The following VWC2 variants were observed in gnomAD, a reference collection of about 807,000 sequenced individuals.
VWC2 encodes von Willebrand factor C domain containing 2.
VWC2 carries 14 observed loss-of-function variants against 29.8 expected under a neutral mutation model. The observed-to-expected ratio is 0.47, with a 90% confidence interval of 0.31 to 0.74. The LOEUF is 0.74. Ranked by LOEUF, VWC2 falls within the 30% of genes least tolerant of loss-of-function variation. VWC2 has a pLI of 0.05. For synonymous variants in VWC2, 213 were observed against 199.0 expected (o/e 1.07, Z -0.59); for missense variants, 457 against 459.8 (o/e 0.99, Z 0.05).
chr7:49,898,199 T>A (rs964959656), intron 3 of VWC2, among the ~76,000 whole-genome samples: 1 of 152,084 alleles, frequency 6.6e-6, no homozygotes, highest in African/African-American at 2.4e-5. Context: ...TGTGTATATA[T>A]GTATGCTTTA....
rs200864656 is a variant in VWC2, at chr7:49,805,233, T to G, written c.826+2393T>G. Among the ~76,000 whole-genome samples, 5 of 152,330 alleles carry G rather than the reference T, an allele frequency of 3.3e-5. No individual in the cohort carries two copies. The East Asian group carries it at 9.6e-4, about 29-fold the overall frequency. ...GTCCTGATGGTAAACTTCTAAATGTTGACCCTTTAACTCTATATTTTGAGA... is the reference window on the plus strand; with the variant it reads ...GTCCTGATGGTAAACTTCTAAATGTGGACCCTTTAACTCTATATTTTGAGA... On this transcript the variant is annotated intron_variant, in intron 3 of 3. Transcript: ENST00000340652.
chr7:49,862,019 T>A (rs962239272), intron 3 of VWC2, among the ~76,000 whole-genome samples: 8 of 152,194 alleles, frequency 5.3e-5, no homozygotes, highest in Non-Finnish European at 1.2e-4. Flanking sequence ...TAAAAAATGG[T>A]TGTTGGAATT....
At chr7:49,824,776 A>T (rs1183045180) in intron 3 of VWC2, among the ~76,000 whole-genome samples, 1 of 152,068 alleles carries the variant, frequency 6.6e-6, no homozygotes, top group Admixed American at 6.5e-5. Flanking sequence ...ATCTTTTGTT[A>T]TTCTTAATAT....
At chr7:49,848,640 A>G (rs1030988907) in intron 3 of VWC2, among the ~76,000 whole-genome samples, 68 of 152,196 alleles carry the variant, frequency 4.5e-4, no homozygotes, top group Admixed American at 1.4e-3. Context: ...TGTCAAAAAT[A>G]TGTGCATCTA....
At chr7:49,832,066 CA>C (rs1042336795) in intron 3 of VWC2, among the ~76,000 whole-genome samples, 4 of 152,142 alleles carry the variant, frequency 2.6e-5, no homozygotes, top group Admixed American at 2.6e-4. Context: ...GCATTTTGTT[CA>C]GTTGATCAGT....
At chr7:49,780,952 C>T (rs1445426168) in intron 2 of VWC2, among the ~76,000 whole-genome samples, 1 of 152,200 alleles carries the variant, frequency 6.6e-6, no homozygotes, top group East Asian at 1.9e-4. Context: ...AAACCTTCAT[C>T]TAAATAGATC....
intron 2 of VWC2, among the ~76,000 whole-genome samples, chr7:49,795,473 C>G (rs1583632392): frequency 6.6e-6 from 1 of 152,174 alleles, no homozygotes. Context: ...ACAGCCTTCA[C>G]ACACCATCGG....
intron 2 of VWC2, among the ~76,000 whole-genome samples, chr7:49,797,330 A>T (rs1464195228): frequency 6.6e-6 from 1 of 152,154 alleles, no homozygotes; most frequent in Non-Finnish European, 1.5e-5. Context: ...TGGGGTTTTC[A>T]TGCCTCCCAT....
At chr7:49,849,688 T>A (rs1427163426) in intron 3 of VWC2, among the ~76,000 whole-genome samples, 1 of 152,222 alleles carries the variant, frequency 6.6e-6, no homozygotes, top group Non-Finnish European at 1.5e-5. Flanking sequence ...TAGTGCCCTA[T>A]TTATTTCAGG....
At chr7:49,905,534 T>C (rs1793038300) in intron 3 of VWC2, among the ~76,000 whole-genome samples, 1 of 152,274 alleles carries the variant, frequency 6.6e-6, no homozygotes, top group Non-Finnish European at 1.5e-5. Flanking sequence ...CCTTGATTTC[T>C]ATCATTTAAA....
At chr7:49,894,701 T>C (rs1311294567) in intron 3 of VWC2, among the ~76,000 whole-genome samples, 1 of 152,214 alleles carries the variant, frequency 6.6e-6, no homozygotes, top group Non-Finnish European at 1.5e-5. Context: ...GGTGGGGGCC[T>C]AGGGCTGTCA....
intron 3 of VWC2, among the ~76,000 whole-genome samples, chr7:49,871,959 C>CACACACA (rs1791176497): frequency 2.9e-5 from 1 of 34,644 alleles, no homozygotes; most frequent in African/African-American, 1.1e-4. Context: ...ACACACACAC[C>CACACACA]GAGAAAGAGA....
At position 49,919,423 on chromosome 7, in the gene VWC2, A is replaced by G. The variant is rs572318505; in HGVS notation, c.*7238A>G. 4.6e-5 allele frequency: 7 copies of G among 152,270 alleles called. No homozygotes were observed. Among genetic ancestry groups the G allele is most frequent in the Admixed American group, 1.3e-4 (2 of 15,300 alleles). 9.4% of individuals were successfully genotyped at this position (152,270 alleles called of 1,614,324 possible). On this transcript the variant is annotated 3_prime_UTR_variant, in exon 4 of 4. Coordinates refer to ENST00000340652, the MANE Select transcript of VWC2 (RefSeq NM_198570.5). ...TTATACTTTTAAGCAAAATTTTGCC[A>G]TTTTCTGATACATAGTAGCTAGCTA...
chr7:49,798,435 C>CCACGG (rs1788649435), intron 2 of VWC2, among the ~76,000 whole-genome samples: 1 of 152,226 alleles, frequency 6.6e-6, no homozygotes, highest in Admixed American at 6.5e-5. Flanking sequence ...AAGCTAGAAC[C>CCACGG]CACGGCTGGA....
chr7:49,797,058 T>C (rs1419172406), intron 2 of VWC2, among the ~76,000 whole-genome samples: 1 of 152,240 alleles, frequency 6.6e-6, no homozygotes, highest in Non-Finnish European at 1.5e-5. Context: ...TTGCTGTCTA[T>C]GTACATATGA....
chr7:49,867,399 T>C (rs1344662230), intron 3 of VWC2, among the ~76,000 whole-genome samples: 2 of 152,188 alleles, frequency 1.3e-5, no homozygotes, highest in East Asian at 3.8e-4. Flanking sequence ...AGGACAGATC[T>C]GGAGGACGAA....
chr7:49,855,509 GGA>G (rs1790379555), intron 3 of VWC2, among the ~76,000 whole-genome samples: 1 of 152,158 alleles, frequency 6.6e-6, no homozygotes. Context: ...CAGATGTTGT[GGA>G]GAGAGGTAAG....
chr7:49,893,348 A>T (rs1792225362), intron 3 of VWC2, among the ~76,000 whole-genome samples: 1 of 152,240 alleles, frequency 6.6e-6, no homozygotes, highest in African/African-American at 2.4e-5. Flanking sequence ...CCTGGGAGTC[A>T]CTGAGAAAGA....
chr7:49,870,792 A>G (rs1237992555), intron 3 of VWC2, among the ~76,000 whole-genome samples: 1 of 152,246 alleles, frequency 6.6e-6, no homozygotes, highest in Admixed American at 6.5e-5. Flanking sequence ...AGAGTCATCC[A>G]CAAAAAAGGA....
Sources: gnomAD v4.1 joint callset for allele counts (sites outside exome capture counted in the v4.1 genomes callset) on GRCh38, gnomAD v4.1.1 for gene constraint, MANE v1.5 for transcripts, NCBI Gene and HGNC (gene_info 2026-07-23, HGNC 2026-07-21) for gene names.